Variants in SRL observed in about 807,000 individuals in gnomAD.
SRL encodes sarcalumenin.
A neutral mutation model predicts 39.5 loss-of-function variants in SRL; 23 were observed. That is an observed-to-expected ratio of 0.58 (90% CI 0.42 to 0.82). SRL has a LOEUF of 0.82. Ranked by LOEUF, SRL falls within the 40% of genes least tolerant of loss-of-function variation. The pLI is 0.00. For synonymous variants in SRL, 272 were observed against 237.4 expected (o/e 1.15, Z -1.34); for missense variants, 592 against 607.8 (o/e 0.97, Z 0.27).
chr16:4,214,635 CCT>C lies in SRL; in HGVS notation c.62-10003_62-10002del, dbSNP rs2052433492. On this transcript the variant is annotated intron_variant, in intron 1 of 5. Transcript: ENST00000399609. ...CGCAGAGCAGGCAGCCTGCCCCCTT[CCT>C]TGTTCTAGATCTTGTCTCTGAACAC... is the stretch of plus-strand genomic sequence containing the variant. Among the ~76,000 whole-genome samples, 4 of 152,206 alleles carry C rather than the reference CCT, an allele frequency of 2.6e-5. No homozygotes were observed. The South Asian group carries it at 8.3e-4, about 32-fold the overall frequency.
intron 1 of SRL, among the ~76,000 whole-genome samples, chr16:4,206,482 A>T (rs2052320046): frequency 6.6e-6 from 1 of 152,098 alleles, no homozygotes; most frequent in Non-Finnish European, 1.5e-5. Flanking sequence ...CAGGGACCCT[A>T]AGGGGAGGTT....
intron 1 of SRL, among the ~76,000 whole-genome samples, chr16:4,208,335 C>T (rs2052351352): frequency 6.6e-6 from 1 of 152,172 alleles, no homozygotes; most frequent in African/African-American, 2.4e-5. Context: ...AGTTAAAGGA[C>T]TGACCCGTTG....
At chr16:4,235,917 C>T (rs8052185) in intron 1 of SRL, among the ~76,000 whole-genome samples, 52,702 of 151,532 alleles carry the variant, frequency 0.35, 10,197 homozygotes, top group African/African-American at 0.52. Context: ...AGAAACTCCG[C>T]CTCTACTAAA....
At chr16:4,231,577 C>CA (rs1377309738) in intron 1 of SRL, among the ~76,000 whole-genome samples, 1 of 152,162 alleles carries the variant, frequency 6.6e-6, no homozygotes, top group Admixed American at 6.5e-5. Flanking sequence ...CCTTTCTCTG[C>CA]ACTCTCAGGC....
chr16:4,229,265 A>C (rs1468301442), intron 1 of SRL, among the ~76,000 whole-genome samples: 1 of 152,032 alleles, frequency 6.6e-6, no homozygotes, highest in Non-Finnish European at 1.5e-5. Context: ...AACACAGTGA[A>C]ACCCCATCTC....
chr16:4,232,868 C>T (rs1345781299), intron 1 of SRL, among the ~76,000 whole-genome samples: 1 of 152,140 alleles, frequency 6.6e-6, no homozygotes, highest in Non-Finnish European at 1.5e-5. Flanking sequence ...CAAATGACTA[C>T]CTGAAGGAGG....
chr16:4,222,618 G>T (rs556328899), intron 1 of SRL, among the ~76,000 whole-genome samples: 58 of 152,190 alleles, frequency 3.8e-4, no homozygotes, highest in Non-Finnish European at 6.3e-4. Context: ...TAGATGAGCA[G>T]CTGCTAGAGG....
chr16:4,195,568 T>C lies in SRL; in HGVS notation c.595A>G (p.Lys199Glu). The C allele has an allele frequency of 6.2e-7, 1 of 1,614,144 alleles. No individual in the cohort carries two copies. The highest frequency in any genetic ancestry group is 8.5e-7 in the Non-Finnish European group (1 of 1,180,024). Reference protein sequence around the residue: ...VDTPGIIENRKQQERGYPFND... With the variant: ...VDTPGIIENREQQERGYPFND... Reference sequence around the variant, plus strand: ...GCTAAATTACCTCTTTCTTGCTGCTTGCGGTTCTCGATGATGCCTGGTGTA... The same window carrying C: ...GCTAAATTACCTCTTTCTTGCTGCTCGCGGTTCTCGATGATGCCTGGTGTA... The change falls in exon 5 of 6, where the codon AAG becomes GAG. Residue 199 changes from lysine (K) to glutamate (E), a missense_variant. Coordinates refer to ENST00000399609, the MANE Select transcript of SRL (RefSeq NM_001098814.2).
intron 1 of SRL, among the ~76,000 whole-genome samples, chr16:4,222,500 C>G (rs760949017): frequency 6.6e-6 from 1 of 152,160 alleles, no homozygotes; most frequent in Non-Finnish European, 1.5e-5. Flanking sequence ...GTCTTGAACT[C>G]CTGACTCAGG....
At chr16:4,206,818 C>T (rs1220444849) in intron 1 of SRL, 1 of 456,630 alleles carries the variant, frequency 2.2e-6, no homozygotes, top group Admixed American at 2.3e-5. Flanking sequence ...CCCATGGACT[C>T]TGTATTCAAT....
intron 1 of SRL, among the ~76,000 whole-genome samples, chr16:4,215,382 ATACAATGACAAAAGTATGACAGGG>A (rs2052446473): frequency 1.3e-5 from 2 of 152,238 alleles, no homozygotes; most frequent in Non-Finnish European, 2.9e-5. Context: ...AGGGAATCAG[ATACAATGACAAAAGTATGACAGGG>A]TACAATGACA....
chr16:4,205,710 G>A (rs1240955233), intron 1 of SRL, among the ~76,000 whole-genome samples: 1 of 152,118 alleles, frequency 6.6e-6, no homozygotes, highest in East Asian at 1.9e-4. Flanking sequence ...AGGTCCTCAG[G>A]GCTGACCGGG....
rs902835413 is a variant in SRL at position 4,203,165 on chromosome 16, C to G, written c.259+1G>C. The stretch of plus-strand genomic sequence containing the variant: ...GCCCTACCTGTTATCTCAAGCCCTA[C>G]CTGTGATCTCATGCTGCCGGAGCTC... On this transcript the variant is annotated splice_donor_variant, in intron 3 of 5. Coordinates refer to ENST00000399609, the MANE Select transcript of SRL (RefSeq NM_001098814.2). LOFTEE classifies it high-confidence loss of function. The G allele has an allele frequency of 6.2e-7, 1 of 1,613,434 alleles. No homozygotes were observed. Among genetic ancestry groups the G allele is most frequent in the Non-Finnish European group, 8.5e-7 (1 of 1,179,634 alleles).
At chr16:4,204,258 C>T (rs2052280609) in intron 2 of SRL, among the ~76,000 whole-genome samples, 3 of 152,194 alleles carry the variant, frequency 2.0e-5, no homozygotes, top group Admixed American at 1.3e-4. Context: ...CTGGCTTCGC[C>T]CACACCAGGC....
intron 1 of SRL, chr16:4,207,772 G>A (rs1330573081): frequency 4.4e-6 from 2 of 452,208 alleles, no homozygotes; most frequent in African/African-American, 2.0e-5. Flanking sequence ...CCTGGAGGGA[G>A]GGCGCTTGCC....
At chr16:4,217,650 G>A (rs183121358) in intron 1 of SRL, among the ~76,000 whole-genome samples, 82 of 152,160 alleles carry the variant, frequency 5.4e-4, no homozygotes, top group Admixed American at 6.5e-5. Context: ...AACTTTATTC[G>A]CCCATAAAAT....
chr16:4,219,502 G>A (rs2052497149), intron 1 of SRL, among the ~76,000 whole-genome samples: 1 of 152,188 alleles, frequency 6.6e-6, no homozygotes, highest in Admixed American at 6.5e-5. Flanking sequence ...CACCCAGGCT[G>A]GAGTGCAGTA....
At chr16:4,215,933 G>A (rs947868389) in intron 1 of SRL, among the ~76,000 whole-genome samples, 2 of 152,140 alleles carry the variant, frequency 1.3e-5, no homozygotes, top group Admixed American at 1.3e-4. Context: ...CTACTGGGGA[G>A]GCTGTGGTTG....
chr16:4,204,383 A>C, intron 2 of SRL, 150 bp downstream of exon 2: 1 of 154,624 alleles, frequency 6.5e-6, no homozygotes, highest in Non-Finnish European at 1.1e-5. Context: ...CCTCTTCCCC[A>C]ACGTCCCCTC....
Sources: gnomAD v4.1 joint callset for allele counts (sites outside exome capture counted in the v4.1 genomes callset) on GRCh38, gnomAD v4.1.1 for gene constraint, MANE v1.5 for transcripts, NCBI Gene and HGNC (gene_info 2026-07-23, HGNC 2026-07-21) for gene names.